Variants in MCPH1 observed in about 807,000 individuals in gnomAD.
MCPH1 encodes the protein microcephalin 1, also known as microcephalin.
Under a neutral mutation model 84.5 loss-of-function variants are expected in MCPH1, and 104 were observed. That is an observed-to-expected ratio of 1.23 (90% CI 1.05 to 1.45). MCPH1 has a LOEUF of 1.45. MCPH1 is among the 40% of genes most tolerant of loss of function. The pLI is 0.00. For missense variants in MCPH1, 1,498 were observed against 1,005.7 expected (o/e 1.49, Z -6.62); for synonymous variants, 514 against 366.8 (o/e 1.40, Z -4.58).
Position 6,643,094 on chromosome 8 carries a change from C to T in MCPH1, c.*45C>T. The T allele has an allele frequency of 6.5e-7, 1 of 1,534,766 alleles. No homozygotes were observed. Among genetic ancestry groups the T allele is most frequent in the Non-Finnish European group, 9.0e-7 (1 of 1,108,382 alleles). ...TGGTGACTGCACACAGCTCGCAAAA[C>T]TGTCTTTGGATGTTCAAATGAGAAA... On this transcript the variant is annotated 3_prime_UTR_variant, in exon 14 of 14. Transcript: ENST00000344683.
At chr8:6,592,801 C>T (rs1182070249) in intron 12 of MCPH1, among the ~76,000 whole-genome samples, 3 of 148,042 alleles carry the variant, frequency 2.0e-5, no homozygotes, top group East Asian at 2.0e-4. Context: ...ACCACAAGCA[C>T]GTGCCACCAC....
At chr8:6,476,477 C>G (rs574051423) in intron 9 of MCPH1, among the ~76,000 whole-genome samples, 2 of 149,488 alleles carry the variant, frequency 1.3e-5, no homozygotes, top group Admixed American at 6.7e-5. Flanking sequence ...ATAGACCAAA[C>G]TTAAAAGCAG....
At chr8:6,444,253 A>G (rs1302538253) in intron 7 of MCPH1, 140 bp from the exon 8 acceptor site, 2 of 960,624 alleles carry the variant, frequency 2.1e-6, no homozygotes, top group East Asian at 5.3e-5. Context: ...TTAAGTGGAA[A>G]TGAGAAGAAC....
At chr8:6,547,920 G>A (rs1316568674) in intron 12 of MCPH1, among the ~76,000 whole-genome samples, 1 of 149,726 alleles carries the variant, frequency 6.7e-6, no homozygotes, top group Non-Finnish European at 1.5e-5. Context: ...ACTCACTGTG[G>A]TTACTTCTCT....
At chr8:6,533,194 C>T (rs574226816) in intron 12 of MCPH1, among the ~76,000 whole-genome samples, 1 of 152,318 alleles carries the variant, frequency 6.6e-6, no homozygotes, top group Non-Finnish European at 1.5e-5. Flanking sequence ...TGGGCTGGTT[C>T]TTCTCTCCCT....
chr8:6,640,093 TGTGTGCGC>T lies in MCPH1; in HGVS notation c.2453-2899_2453-2892del, dbSNP rs1396995989. On this transcript the variant is annotated intron_variant, in intron 13 of 13. Transcript: ENST00000344683. ...GTGTGTGTGTGTGTGTGTGTGTGTG[TGTGTGCGC>T]GCGCGTGTGTGTGTGTGTGCGTGTG... Among the ~76,000 whole-genome samples the T allele has an allele frequency of 1.3e-4, 19 of 141,776 alleles. No individual in the cohort carries two copies. In the East Asian group the frequency reaches 3.4e-3, roughly 26 times the overall value. The allele number at this position is 141,776 out of a possible 152,430, so 93.0% of individuals were successfully genotyped here.
chr8:6,444,153 T>C (rs1803912397), intron 7 of MCPH1, among the ~76,000 whole-genome samples: 2 of 152,236 alleles, frequency 1.3e-5, no homozygotes, highest in African/African-American at 2.4e-5. Context: ...TTTAGAAGTT[T>C]GTTACACCTC....
intron 12 of MCPH1, among the ~76,000 whole-genome samples, chr8:6,576,738 G>T: frequency 1.1e-5 from 1 of 89,058 alleles, no homozygotes; most frequent in Non-Finnish European, 2.1e-5. Context: ...AGTAGAGATG[G>T]GTTTTCACCA....
intron 11 of MCPH1, among the ~76,000 whole-genome samples, chr8:6,498,344 C>T (rs1387082285): frequency 1.3e-5 from 2 of 152,136 alleles, no homozygotes; most frequent in South Asian, 2.1e-4. Context: ...ATGTGTTCGG[C>T]CAATGAAACT....
At chr8:6,562,887 G>A (rs763437485) in intron 12 of MCPH1, 4 of 1,608,598 alleles carry the variant, frequency 2.5e-6, no homozygotes, top group East Asian at 2.2e-5. Context: ...TATAGGCTGC[G>A]GCCAAGACAA....
intron 13 of MCPH1, among the ~76,000 whole-genome samples, chr8:6,636,409 T>A (rs34622506): frequency 0.03 from 4,568 of 150,194 alleles, 128 homozygotes; most frequent in East Asian, 0.13. Flanking sequence ...CACATGGGGG[T>A]GAGGGCTGAG....
intron 12 of MCPH1, among the ~76,000 whole-genome samples, chr8:6,609,812 G>GC (rs1162008291): frequency 1.9e-5 from 1 of 51,626 alleles, no homozygotes; most frequent in Non-Finnish European, 7.1e-5. Flanking sequence ...TCAAAGCAAT[G>GC]CCCCCCGCCC....
rs1805551611 is a variant in MCPH1, at chr8:6,455,257, G to T, written c.1935+5G>T. On this transcript the variant is annotated splice_donor_5th_base_variant and intron_variant, in intron 9 of 13. Transcript: ENST00000344683. ...AAAAGTGGGAGAGGCAAAAAGGTCA[G>T]TGTGTAAAAATATTATTTTAAACTT... 1.3e-6 allele frequency: 2 copies of T among 1,587,940 alleles called. No individual in the cohort carries two copies. The highest frequency in any genetic ancestry group is 1.3e-5 in the African/African-American group (1 of 74,444).
Position 6,514,614 on chromosome 8 carries a change from A to G in MCPH1, c.2214+14685A>G, listed in dbSNP as rs1815872338. 3 of 1,436,108 alleles carry G rather than the reference A, an allele frequency of 2.1e-6. No individual in the cohort carries two copies. In the East Asian group the frequency reaches 6.8e-5, roughly 33 times the overall value. 89.0% of individuals were successfully genotyped at this position (1,436,108 alleles called of 1,614,324 possible). ...TTGGGATTGGTGGTTAAGGTTCCGC[A>G]GATCTTGAAAGCTATTTTTCACAAG... On this transcript the variant is annotated intron_variant, in intron 12 of 13. Transcript: ENST00000344683.
intron 9 of MCPH1, among the ~76,000 whole-genome samples, chr8:6,465,011 A>G (rs1180865127): frequency 6.6e-6 from 1 of 151,970 alleles, no homozygotes; most frequent in African/African-American, 2.4e-5. Context: ...AAAAAAAAAA[A>G]AGAAAAATTC....
At chr8:6,413,125 A>G (rs1350055132) in intron 2 of MCPH1, among the ~76,000 whole-genome samples, 1 of 152,078 alleles carries the variant, frequency 6.6e-6, no homozygotes, top group Non-Finnish European at 1.5e-5. Context: ...TGAGTGTCTG[A>G]GCATGCCTTT....
At chr8:6,575,646 C>A (rs1398757824) in intron 12 of MCPH1, among the ~76,000 whole-genome samples, 1 of 152,198 alleles carries the variant, frequency 6.6e-6, no homozygotes, top group African/African-American at 2.4e-5. Flanking sequence ...TAAATGCCCT[C>A]AGCACGTGAC....
intron 12 of MCPH1, among the ~76,000 whole-genome samples, chr8:6,506,906 T>TC (rs1225753138): frequency 6.6e-6 from 1 of 152,116 alleles, no homozygotes; most frequent in East Asian, 1.9e-4. Context: ...AATGATGCTT[T>TC]TTTTTTTTGA....
At chr8:6,407,582 G>C (rs2440450) in intron 1 of MCPH1, among the ~76,000 whole-genome samples, 140,294 of 152,266 alleles carry the variant, frequency 0.92, 65,296 homozygotes, top group Non-Finnish European at 0.99. Context: ...GTGGGGCCTG[G>C]AGTCATAAAA....
Sources: allele counts gnomAD v4.1 joint callset (sites outside exome capture counted in the v4.1 genomes callset), GRCh38; gene constraint gnomAD v4.1.1; transcripts MANE v1.5; gene names NCBI Gene and HGNC (gene_info 2026-07-23, HGNC 2026-07-21).